CLASP2: variants seen among roughly 807,000 people sequenced by gnomAD.
CLASP2 encodes CLIP-associating protein 2.
Under a neutral mutation model 194.4 loss-of-function variants are expected in CLASP2, and 47 were observed. That is an observed-to-expected ratio of 0.24 (90% CI 0.19 to 0.31). The LOEUF is 0.31. Among genes scored for constraint, CLASP2 ranks in the 10% least tolerant of loss-of-function variants. The pLI is 1.00. For missense variants in CLASP2, 1,445 were observed against 1,823.6 expected (o/e 0.79, Z 3.78); for synonymous variants, 619 against 633.5 (o/e 0.98, Z 0.34).
chr3:33,716,361 T>G (rs1310921220), intron 1 of CLASP2, among the ~76,000 whole-genome samples: 3 of 152,180 alleles, frequency 2.0e-5, no homozygotes, highest in Non-Finnish European at 2.9e-5. Flanking sequence ...CTTAGAGGCA[T>G]AACAGAAAAC....
rs2051227647 is a variant in CLASP2 at position 33,516,017 on chromosome 3, A to G, written c.4110+6T>C. 9 of 1,603,956 alleles carry G rather than the reference A, an allele frequency of 5.6e-6. No individual in the cohort carries two copies. Among genetic ancestry groups the G allele is most frequent in the Non-Finnish European group, 7.7e-6 (9 of 1,176,414 alleles). ...GGAATAATACTTTACCGGCCAGGTA[A>G]CTTACCTCCTTATGAGGATCTTTAT... On this transcript the variant is annotated splice_donor_region_variant and intron_variant, in intron 36 of 38. Transcript: ENST00000682230.
At chr3:33,597,384 A>G (rs976426627) in intron 18 of CLASP2, among the ~76,000 whole-genome samples, 2 of 152,118 alleles carry the variant, frequency 1.3e-5, no homozygotes, top group African/African-American at 4.8e-5. Flanking sequence ...CAGGACTGAT[A>G]TTGTTCTTAA....
At chr3:33,587,836 G>C (rs1400125242) in intron 21 of CLASP2, among the ~76,000 whole-genome samples, 2 of 152,116 alleles carry the variant, frequency 1.3e-5, no homozygotes, top group Non-Finnish European at 2.9e-5. Flanking sequence ...TAGGCCAATG[G>C]AATGTTTTAT....
chr3:33,514,859 G>T (rs1276244434), intron 36 of CLASP2, among the ~76,000 whole-genome samples: 1 of 151,470 alleles, frequency 6.6e-6, no homozygotes, highest in Non-Finnish European at 1.5e-5. Flanking sequence ...GTGTATATAC[G>T]CACACACACA....
chr3:33,645,010 AG>A, intron 7 of CLASP2, 107 bp from the exon 8 acceptor site: 3 of 1,185,220 alleles, frequency 2.5e-6, no homozygotes, highest in Non-Finnish European at 3.6e-6. Flanking sequence ...TACTTTGGTA[AG>A]ATATATAATA....
chr3:33,556,611 A>T (rs766634568), intron 29 of CLASP2, among the ~76,000 whole-genome samples: 2 of 151,622 alleles, frequency 1.3e-5, no homozygotes, highest in Non-Finnish European at 2.9e-5. Context: ...AACTTTTTGT[A>T]TTTTTAGTAG....
chr3:33,621,617 C>T (rs978940226), intron 11 of CLASP2, among the ~76,000 whole-genome samples: 1 of 152,048 alleles, frequency 6.6e-6, no homozygotes, highest in South Asian at 2.1e-4. Context: ...CTAGTAGGCA[C>T]TTTTTGTTCC....
At chr3:33,671,041 C>T (rs1319208574) in intron 6 of CLASP2, among the ~76,000 whole-genome samples, 2 of 152,024 alleles carry the variant, frequency 1.3e-5, no homozygotes, top group Non-Finnish European at 2.9e-5. Context: ...TAGTTTTCCA[C>T]GTGGAGAAAT....
chr3:33,633,151 A>T (rs1292138974), intron 8 of CLASP2, among the ~76,000 whole-genome samples: 2 of 152,124 alleles, frequency 1.3e-5, no homozygotes, highest in Admixed American at 1.3e-4. Flanking sequence ...TCCAGTTTGC[A>T]GTTTTTCTAA....
chr3:33,675,516 A>G (rs2088388687), intron 6 of CLASP2, among the ~76,000 whole-genome samples: 1 of 148,782 alleles, frequency 6.7e-6, no homozygotes, highest in Non-Finnish European at 1.5e-5. Flanking sequence ...ATTCCCTTTG[A>G]AAACTGGCAC....
intron 14 of CLASP2, 68 bp downstream of exon 14, chr3:33,608,499 A>T: frequency 8.3e-7 from 1 of 1,208,076 alleles, no homozygotes; most frequent in Non-Finnish European, 1.2e-6. Flanking sequence ...TAAAACCAAT[A>T]CCATCAACTT....
At chr3:33,531,788 A>G (rs2056376564) in intron 34 of CLASP2, among the ~76,000 whole-genome samples, 1 of 152,074 alleles carries the variant, frequency 6.6e-6, no homozygotes, top group Admixed American at 6.5e-5. Context: ...AACAAAAACA[A>G]AAACAAAAAC....
intron 23 of CLASP2, 100 bp downstream of exon 23, chr3:33,581,721 T>G: frequency 1.3e-6 from 1 of 741,474 alleles, no homozygotes; most frequent in Non-Finnish European, 2.3e-6. Flanking sequence ...GAGAGAAAGA[T>G]CTGTCGACAA....
intron 26 of CLASP2, among the ~76,000 whole-genome samples, chr3:33,569,293 C>T (rs1269452144): frequency 6.6e-6 from 1 of 152,192 alleles, no homozygotes; most frequent in African/African-American, 2.4e-5. Context: ...TGGCATCCAA[C>T]CAAACTGCAT....
At chr3:33,672,430 C>T (rs999326515) in intron 6 of CLASP2, among the ~76,000 whole-genome samples, 1 of 152,088 alleles carries the variant, frequency 6.6e-6, no homozygotes, top group Admixed American at 6.5e-5. Flanking sequence ...ACATCCACAC[C>T]AAAAACCCAT....
In CLASP2 at chr3:33,596,436, T is replaced by C. The variant is rs141614272; in HGVS notation, c.1948+275A>G. 5.3e-4 allele frequency among the ~76,000 whole-genome samples: 81 copies of C among 152,266 alleles called. 1 individual carries two copies. In the East Asian group the frequency reaches 0.015, roughly 28 times the overall value. On this transcript the variant is annotated intron_variant, in intron 19 of 38. Transcript: ENST00000682230. The stretch of plus-strand genomic sequence containing the variant: ...TTAAGACTTAACGAATCGAGAATAT[T>C]CAGAGGCGAACTTCTAAGAGCTCAG...
rs187280952 is a variant in CLASP2 at position 33,525,455 on chromosome 3, C to A, written c.3788-8281G>T. 7.9e-5 allele frequency among the ~76,000 whole-genome samples: 12 copies of A among 152,052 alleles called. No individual in the cohort carries two copies. The East Asian group carries it at 2.3e-3, about 29-fold the overall frequency. ...GGACTAATCAAGGAAACAACTTGACCCACAGAGAACAAAGAAAAGTAAGAC... is the reference window on the plus strand; with the variant it reads ...GGACTAATCAAGGAAACAACTTGACACACAGAGAACAAAGAAAAGTAAGAC... On this transcript the variant is annotated intron_variant, in intron 34 of 38. Coordinates refer to ENST00000682230, the MANE Select transcript of CLASP2 (RefSeq NM_001365631.1).
chr3:33,651,382 CAAAAA>C (rs11317189), intron 7 of CLASP2, among the ~76,000 whole-genome samples: 11 of 90,272 alleles, frequency 1.2e-4, no homozygotes, highest in African/African-American at 2.9e-4. Flanking sequence ...GATCCTGTCT[CAAAAA>C]AAAAAAAAAA....
chr3:33,673,792 C>T (rs1042246551), intron 6 of CLASP2, among the ~76,000 whole-genome samples: 1 of 152,134 alleles, frequency 6.6e-6, no homozygotes, highest in African/African-American at 2.4e-5. Flanking sequence ...GGGTTGCAAT[C>T]CTAGTCTCTG....
Sources: gnomAD v4.1 joint callset for allele counts (sites outside exome capture counted in the v4.1 genomes callset) on GRCh38, gnomAD v4.1.1 for gene constraint, MANE v1.5 for transcripts, NCBI Gene and HGNC (gene_info 2026-07-23, HGNC 2026-07-21) for gene names.